Variants in SLC9A1 observed in about 807,000 individuals in gnomAD.
SLC9A1 encodes sodium/hydrogen exchanger 1.
In SLC9A1, 22 loss-of-function variants were observed where a neutral mutation model predicts 67.9. That is an observed-to-expected ratio of 0.32 (90% CI 0.23 to 0.46). The LOEUF is 0.46. Among genes scored for constraint, SLC9A1 ranks in the 20% least tolerant of loss-of-function variants. SLC9A1 has a pLI of 1.00. For synonymous variants in SLC9A1, 421 were observed against 471.8 expected, an observed-to-expected ratio of 0.89 and a Z score of 1.40; for missense variants, 686 against 1,094.8, an observed-to-expected ratio of 0.63 and a Z score of 5.27.
At chr1:27,105,360 C>T (rs553112691) in intron 5 of SLC9A1, 18 of 253,550 alleles carry the variant, frequency 7.1e-5, no homozygotes, top group South Asian at 6.8e-4. Flanking sequence ...AGTGCAATGG[C>T]GCAATCTCAG....
chr1:27,104,920 C>T (rs1268823104), intron 5 of SLC9A1, among the ~76,000 whole-genome samples: 2 of 152,208 alleles, frequency 1.3e-5, no homozygotes, highest in Non-Finnish European at 2.9e-5. Context: ...GGCTGGGCTT[C>T]CTTGGGGACC....
intron 5 of SLC9A1, 46 bp from the exon 6 acceptor site, chr1:27,103,358 C>A (rs1251427673): frequency 2.2e-6 from 3 of 1,384,212 alleles, no homozygotes; most frequent in Non-Finnish European, 3.1e-6. Flanking sequence ...GCTACCCAGG[C>A]AGGGAGGCCA....
chr1:27,121,816 A>G (rs2083306258), intron 1 of SLC9A1, among the ~76,000 whole-genome samples: 1 of 152,100 alleles, frequency 6.6e-6, no homozygotes, highest in Non-Finnish European at 1.5e-5. Flanking sequence ...TGGAACTTCT[A>G]CCCACCTTTC....
In SLC9A1 at chr1:27,113,925, G is replaced by A; in HGVS notation, c.714C>T (p.Asp238=). The change falls in exon 2 of 12, where the codon GAC becomes GAT. Residue 238 remains aspartate (D), a synonymous_variant. Transcript: ENST00000263980. ...CAAAGACAGCCAGAACCGCCACGGG[G>A]TCCACGGCCGAGATGATGCTGCCGA... ...LLFGSIISAV[D]PVAVLAVFEE... is the part of the protein sequence containing the mutation. 2 of 1,614,246 alleles carry A rather than the reference G, an allele frequency of 1.2e-6. No individual in the cohort carries two copies. Among genetic ancestry groups the A allele is most frequent in the African/African-American group, 1.3e-5 (1 of 75,066 alleles).
intron 1 of SLC9A1, among the ~76,000 whole-genome samples, chr1:27,122,504 C>T (rs2083310766): frequency 6.6e-6 from 1 of 152,156 alleles, no homozygotes; most frequent in South Asian, 2.1e-4. Context: ...GGCACACAGG[C>T]CTGACCCGGG....
chr1:27,150,082 A>C (rs1570890450), intron 1 of SLC9A1, among the ~76,000 whole-genome samples: 1 of 152,310 alleles, frequency 6.6e-6, no homozygotes, highest in Middle Eastern at 3.4e-3. Context: ...TTCTTGAGAC[A>C]GTTTCAAGGT....
chr1:27,113,247 C>A (rs1003710212), intron 2 of SLC9A1, among the ~76,000 whole-genome samples: 4 of 151,998 alleles, frequency 2.6e-5, no homozygotes, highest in Non-Finnish European at 5.9e-5. Flanking sequence ...TGGTTTGAGG[C>A]CAAGAGTTCA....
intron 1 of SLC9A1, among the ~76,000 whole-genome samples, chr1:27,124,443 C>A (rs1259721928): frequency 6.6e-6 from 1 of 152,212 alleles, no homozygotes; most frequent in African/African-American, 2.4e-5. Flanking sequence ...TGCTTGAAAT[C>A]TCATCCTACT....
At chr1:27,122,869 A>T (rs758994558) in intron 1 of SLC9A1, among the ~76,000 whole-genome samples, 3 of 152,202 alleles carry the variant, frequency 2.0e-5, no homozygotes, top group Non-Finnish European at 4.4e-5. Flanking sequence ...AGGGAGGGAC[A>T]GGGACTGGGA....
intron 1 of SLC9A1, among the ~76,000 whole-genome samples, chr1:27,131,950 ATATATATATATAT>A: frequency 1.1e-5 from 1 of 92,054 alleles, no homozygotes; most frequent in Non-Finnish European, 2.1e-5. Context: ...AAAAAAAAAT[ATATATATATATAT>A]ATATATATAT....
chr1:27,142,614 G>A (rs2083459384), intron 1 of SLC9A1, among the ~76,000 whole-genome samples: 1 of 152,136 alleles, frequency 6.6e-6, no homozygotes, highest in Admixed American at 6.5e-5. Flanking sequence ...GTGTGCCTGG[G>A]CCCTAGCCGC....
rs377254258 is a variant in SLC9A1 at position 27,154,206 on chromosome 1, G to A, written c.129C>T (p.Ala43=). The change falls in exon 1 of 12, where the codon GCC becomes GCT. Residue 43 remains alanine (A), a synonymous_variant. Transcript: ENST00000263980. ...GTGGCTCTGAGCTTCGAATGGTGCT[G>A]GCAGTTGGGCTGAGCTGGAGGCCAT... ...RSHGLQLSPT[A]STIRSSEPPR... 9 of 1,614,122 alleles carry A rather than the reference G, an allele frequency of 5.6e-6. No individual in the cohort carries two copies. The African/African-American group carries it at 1.1e-4, about 19-fold the overall frequency.
At chr1:27,119,934 A>G (rs1348237458) in intron 1 of SLC9A1, among the ~76,000 whole-genome samples, 1 of 152,104 alleles carries the variant, frequency 6.6e-6, no homozygotes, top group South Asian at 2.1e-4. Context: ...TAAAGACTTC[A>G]TGAAATCCTT....
intron 1 of SLC9A1, among the ~76,000 whole-genome samples, chr1:27,116,426 A>G (rs1449580152): frequency 6.6e-6 from 1 of 152,178 alleles, no homozygotes; most frequent in African/African-American, 2.4e-5. Flanking sequence ...CCAGGCCCAG[A>G]ATCCTGGCAC....
chr1:27,145,823 C>T (rs1281138212), intron 1 of SLC9A1, among the ~76,000 whole-genome samples: 11 of 152,152 alleles, frequency 7.2e-5, no homozygotes, highest in Non-Finnish European at 1.3e-4. Context: ...TAATAGACCC[C>T]AAAATCGGCT....
At chr1:27,146,994 G>A (rs978247828) in intron 1 of SLC9A1, among the ~76,000 whole-genome samples, 4 of 151,542 alleles carry the variant, frequency 2.6e-5, no homozygotes, top group Admixed American at 1.3e-4. Flanking sequence ...AAATTAGGCC[G>A]GGCGCGGTGG....
intron 2 of SLC9A1, among the ~76,000 whole-genome samples, chr1:27,111,721 G>C (rs976711157): frequency 6.6e-6 from 1 of 152,172 alleles, no homozygotes; most frequent in South Asian, 2.1e-4. Flanking sequence ...AAGAGGGGAT[G>C]ATCATTTGAG....
At position 27,114,002 on chromosome 1, in the gene SLC9A1, G is replaced by A. The variant is rs745532908; in HGVS notation, c.637C>T (p.Leu213=). 4.3e-6 allele frequency: 7 copies of A among 1,614,064 alleles called. No individual in the cohort carries two copies. Among genetic ancestry groups the A allele is most frequent in the Non-Finnish European group, 1.7e-6 (2 of 1,180,062 alleles). ...FLGGLMYAVC[L]VGGEQINNIG... The stretch of plus-strand genomic sequence containing the variant: ...TTGTTGATCTGCTCACCGCCCACCA[G>A]GCACACGGCGTACATGAGGCCGCCC... Residue 213 remains leucine, a synonymous_variant, in exon 2 of 12, where the codon CTG becomes TTG. Transcript: ENST00000263980. The surrounding 1 kb of genome is among the most constrained non-coding windows in gnomAD (Gnocchi z 5.4).
chr1:27,119,401 T>C (rs780568175), intron 1 of SLC9A1, among the ~76,000 whole-genome samples: 2 of 152,170 alleles, frequency 1.3e-5, no homozygotes, highest in Non-Finnish European at 2.9e-5. Context: ...TCTGTCGCCC[T>C]ACTTCCAGGC....
Sources: gnomAD v4.1 joint callset for allele counts (sites outside exome capture counted in the v4.1 genomes callset) on GRCh38, gnomAD v4.1.1 for gene constraint, Gnocchi (gnomAD v3.1) non-coding constraint, MANE v1.5 for transcripts, NCBI Gene and HGNC (gene_info 2026-07-23, HGNC 2026-07-21) for gene names.